The following SSC5D variants were observed in gnomAD, a reference collection of about 807,000 sequenced individuals.
SSC5D encodes the protein soluble scavenger receptor cysteine-rich domain-containing protein SSC5D.
A neutral mutation model predicts 104.6 loss-of-function variants in SSC5D; 106 were observed. The ratio of observed to expected loss-of-function variants is 1.01; its 90% confidence interval spans 0.87 to 1.19. SSC5D has a LOEUF of 1.19. Among genes scored for constraint, SSC5D ranks in the 50% most tolerant of loss-of-function variants. The pLI, the probability that SSC5D is intolerant of heterozygous loss-of-function variation, is 0.00. For synonymous variants in SSC5D, 860 were observed against 883.5 expected, an observed-to-expected ratio of 0.97 and a Z score of 0.47; for missense variants, 1,993 against 2,153.8, an observed-to-expected ratio of 0.93 and a Z score of 1.48.
chr19:55,515,418 G>GAAT (rs1987849590), intron 13 of SSC5D, among the ~76,000 whole-genome samples: 1 of 81,994 alleles, frequency 1.2e-5, no homozygotes, highest in East Asian at 3.4e-4. Flanking sequence ...AAAAAAAAAA[G>GAAT]TTAAATGAAT....
rs145740154 is a variant in SSC5D at position 55,496,063 on chromosome 19, T to C, written c.1387+1280T>C. On this transcript the variant is annotated intron_variant, in intron 8 of 13. Transcript: ENST00000389623. ...GTGCAGGGGTCTTTCTTGTGTTTTT[T>C]GCAGGAAGGAATAGGTGAGACAGGT... Among the ~76,000 whole-genome samples the C allele has an allele frequency of 3.5e-3, 540 of 152,254 alleles. 6 individuals are homozygous for C. Among genetic ancestry groups the C allele is most frequent in the African/African-American group, 0.012 (513 of 41,536 alleles).
chr19:55,489,076 G>T (rs756051841), intron 2 of SSC5D, 44 bp downstream of exon 2: 2 of 839,794 alleles, frequency 2.4e-6, no homozygotes, highest in Non-Finnish European at 3.1e-6. Context: ...CCCCCCCCAG[G>T]CCTCCCCCTT....
At position 55,513,254 on chromosome 19, in the gene SSC5D, A is replaced by G. The variant is rs548183216; in HGVS notation, c.2947+82A>G. On this transcript the variant is annotated intron_variant, in intron 13 of 13. Coordinates refer to ENST00000389623, the MANE Select transcript of SSC5D (RefSeq NM_001144950.2). ...GACAGATTCCAGACTCCCCACTGGA[A>G]CCCTTACCCCAGAAAGACTCAGCAG... 9.7e-6 allele frequency: 13 copies of G among 1,339,140 alleles called. No homozygotes were observed. The African/African-American group carries it at 1.6e-4, about 17-fold the overall frequency. The allele number at this position is 1,339,140 out of a possible 1,614,324, so 83.0% of individuals were successfully genotyped here. A position where few individuals can be genotyped will look rare whatever the true frequency, so the allele number is the denominator to read the frequency against.
At position 55,493,829 on chromosome 19, in the gene SSC5D, A is replaced by G; in HGVS notation, c.1130A>G (p.Glu377Gly). The G allele has an allele frequency of 6.5e-7, 1 of 1,549,232 alleles. No homozygotes were observed. Among genetic ancestry groups the G allele is most frequent in the Non-Finnish European group, 8.7e-7 (1 of 1,146,600 alleles). ...ILDDLRCRGNETALRFCPARP... is the reference protein window; with the variant it reads ...ILDDLRCRGNGTALRFCPARP... The stretch of plus-strand genomic sequence containing the variant: ...GACGACCTTCGGTGTCGGGGAAACG[A>G]GACGGCCTTACGATTCTGCCCAGCT... The change falls in exon 7 of 14, where the codon GAG becomes GGG. Residue 377 changes from glutamate to glycine, a missense_variant. Glu to Gly is a moderately conservative substitution (Grantham distance 98). Around this residue, in one of 6 missense-constraint regions of SSC5D, gnomAD observed 1,101 missense variants for 1,085.0 expected, o/e 1.01. Transcript: ENST00000389623.
chr19:55,499,964 G>A lies in SSC5D; in HGVS notation c.1854G>A (p.Thr618=), dbSNP rs375966149. The change falls in exon 10 of 14, where the codon ACG becomes ACA. Residue 618 remains threonine (T), a synonymous_variant. Transcript: ENST00000389623. ...CCAGTGTTCTGGAGAAAACAACCACGAAGGCCCCAGGGAAAATGCCTAAGA... is the reference window on the plus strand; with the variant it reads ...CCAGTGTTCTGGAGAAAACAACCACAAAGGCCCCAGGGAAAATGCCTAAGA... ...VTASVLEKTT[T]KAPGKMPKST... 4.7e-5 allele frequency: 73 copies of A among 1,551,710 alleles called. No homozygotes were observed. The highest frequency in any genetic ancestry group is 7.3e-5 in the East Asian group (3 of 40,910).
At chr19:55,516,564 C>T (rs1240115341) in intron 13 of SSC5D, among the ~76,000 whole-genome samples, 1 of 151,058 alleles carries the variant, frequency 6.6e-6, no homozygotes. Context: ...TAATCCTGGC[C>T]CTGTTGGATC....
intron 13 of SSC5D, among the ~76,000 whole-genome samples, chr19:55,515,336 C>A (rs1194006028): frequency 7.0e-6 from 1 of 142,610 alleles, no homozygotes; most frequent in Non-Finnish European, 1.5e-5. Context: ...GCGGAGATTG[C>A]AGCGAGCCAA....
At chr19:55,506,426 G>C (rs761788318) in intron 12 of SSC5D, among the ~76,000 whole-genome samples, 1 of 111,504 alleles carries the variant, frequency 9.0e-6, no homozygotes, top group Non-Finnish European at 1.7e-5. Flanking sequence ...ACGGAGTCTC[G>C]CTCTGTCGCC....
At chr19:55,488,731 C>A (rs951179920) in intron 1 of SSC5D, 117 bp downstream of exon 1, 9 of 897,136 alleles carry the variant, frequency 1.0e-5, no homozygotes, top group Non-Finnish European at 1.6e-5. Flanking sequence ...CTCCTGCATA[C>A]CCTGACATCC....
chr19:55,510,191 G>A (rs1489656562), intron 12 of SSC5D, among the ~76,000 whole-genome samples: 1 of 152,046 alleles, frequency 6.6e-6, no homozygotes, highest in Non-Finnish European at 1.5e-5. Context: ...TAGAGACGGG[G>A]TTTCAACATG....
chr19:55,490,389 G>A lies in SSC5D; in HGVS notation c.567G>A (p.Thr189=), dbSNP rs1399614541. Residue 189 remains threonine, a synonymous_variant, in exon 5 of 14, where the codon ACG becomes ACA. Transcript: ENST00000389623. The part of the protein sequence containing the change: ...QAKSTRAPLL[T]TGAPRQERLR... ...AGTCCACCCGGGCCCCTCTGCTGAC[G>A]ACAGGAGCCCCCCGCCAAGGTAAGC... 6 of 1,465,430 alleles carry A rather than the reference G, an allele frequency of 4.1e-6. No individual in the cohort carries two copies. Among genetic ancestry groups the A allele is most frequent in the East Asian group, 2.6e-5 (1 of 38,824 alleles). The allele number at this position is 1,465,430 out of a possible 1,614,324, so 90.8% of individuals were successfully genotyped here.
chr19:55,518,135 CCT>C lies in SSC5D; in HGVS notation c.3861_3862del (p.His1288ProfsTer18). The part of the protein sequence containing the change: ...PTTTPHPTTT[P>X]HPTTTPHPTT... ...CACGACCCCTCACCCCACCACGACT[CCT>C]CACCCCACCACAACCCCTCACCCCA... On this transcript the variant is annotated frameshift_variant, in exon 14 of 14. Coordinates refer to ENST00000389623, the MANE Select transcript of SSC5D (RefSeq NM_001144950.2). LOFTEE classifies it low-confidence loss of function (END_TRUNC). 1 of 1,398,148 alleles carries C rather than the reference CCT, an allele frequency of 7.2e-7. No individual in the cohort carries two copies. 86.6% of individuals were successfully genotyped at this position (1,398,148 alleles called of 1,614,324 possible). A position where few individuals can be genotyped will look rare whatever the true frequency, so the allele number is the denominator to read the frequency against.
Position 55,488,455 on chromosome 19 carries a change from G to A in SSC5D, c.-135G>A. On this transcript the variant is annotated 5_prime_UTR_variant, in exon 1 of 14. Transcript: ENST00000389623. ...TTTCTTCCTCCTGGCAAAGCGTCCA[G>A]CCCTGCCTGCTCCTCCTCGGGCCTG... The A allele has an allele frequency of 1.5e-6, 1 of 651,786 alleles. No individual in the cohort carries two copies. Among genetic ancestry groups the A allele is most frequent in the Non-Finnish European group, 2.6e-6 (1 of 381,078 alleles). The allele number at this position is 651,786 out of a possible 1,614,324, so 40.4% of individuals were successfully genotyped here.
rs751348828 is a variant in SSC5D, at chr19:55,518,806, C to T, written c.4530C>T (p.Val1510=). 9.7e-6 allele frequency: 15 copies of T among 1,550,372 alleles called. No individual in the cohort carries two copies. Among genetic ancestry groups the T allele is most frequent in the South Asian group, 3.6e-5 (3 of 84,054 alleles). ...VGGQLQRLTQ[V]VEQERQERQA... is the part of the protein sequence containing the mutation. The stretch of plus-strand genomic sequence containing the variant: ...GTCAGCTGCAGAGACTGACCCAGGT[C>T]GTGGAACAGGAGCGGCAGGAGCGCC... Residue 1510 remains valine (V), a synonymous_variant, in exon 14 of 14, where the codon GTC becomes GTT. Coordinates refer to ENST00000389623, the MANE Select transcript of SSC5D (RefSeq NM_001144950.2).
At position 55,511,031 on chromosome 19, in the gene SSC5D, G is replaced by A. The variant is rs543292754; in HGVS notation, c.2786-1980G>A. On this transcript the variant is annotated intron_variant, in intron 12 of 13. Transcript: ENST00000389623. ...TGACCTCAGGTGATCTGCCTGCCTC[G>A]GCCTCTCAAAGTGCTGGGATTACAG... Among the ~76,000 whole-genome samples, 10 of 150,766 alleles carry A rather than the reference G, an allele frequency of 6.6e-5. No individual in the cohort carries two copies. In the East Asian group the frequency reaches 1.4e-3, roughly 21 times the overall value.
chr19:55,488,648 G>C (rs376464390), intron 1 of SSC5D, 34 bp downstream of exon 1: 14 of 1,543,740 alleles, frequency 9.1e-6, no homozygotes, highest in Non-Finnish European at 1.2e-5. Flanking sequence ...GACTCGGGGG[G>C]CCTAGGCCCC....
Position 55,516,299 on chromosome 19 carries a change from C to T in SSC5D, c.2948-925C>T, listed in dbSNP as rs571119163. On this transcript the variant is annotated intron_variant, in intron 13 of 13. Coordinates refer to ENST00000389623, the MANE Select transcript of SSC5D (RefSeq NM_001144950.2). ...GATCACGAGGTCAGGAGATCGAGAC[C>T]ATCCTGGCCAACACGGTGAAACCCC... 1.6e-3 allele frequency among the ~76,000 whole-genome samples: 237 copies of T among 152,228 alleles called. 2 individuals are homozygous for T. The highest frequency in any genetic ancestry group is 5.7e-3 in the African/African-American group (235 of 41,518).
At chr19:55,513,561 C>A (rs140892082) in intron 13 of SSC5D, among the ~76,000 whole-genome samples, 84 of 152,272 alleles carry the variant, frequency 5.5e-4, no homozygotes, top group Middle Eastern at 3.4e-3. Context: ...CAGAGCGAGA[C>A]CTTGTCTCAA....
chr19:55,504,289 G>A, intron 12 of SSC5D: 1 of 1,461,350 alleles, frequency 6.8e-7, no homozygotes, highest in Non-Finnish European at 9.0e-7. Context: ...TAGGGAGGCA[G>A]CCAATGAGCA....
Sources: allele counts gnomAD v4.1 joint callset (sites outside exome capture counted in the v4.1 genomes callset), GRCh38; gene constraint gnomAD v4.1.1; regional missense constraint gnomAD v4.1.1; transcripts MANE v1.5; gene names NCBI Gene and HGNC (gene_info 2026-07-23, HGNC 2026-07-21).